Variants in JPH3 observed in about 807,000 individuals in gnomAD.
JPH3 encodes junctophilin 3.
In JPH3, 11 loss-of-function variants were observed where a neutral mutation model predicts 59.6. The observed-to-expected ratio is 0.18, with a 90% CI of 0.12 to 0.31. The LOEUF (loss-of-function observed/expected upper bound fraction) is 0.31, where lower values mean the gene tolerates loss of function less well. Among genes scored for constraint, JPH3 ranks in the 10% least tolerant of loss-of-function variants. The probability of loss-of-function intolerance (pLI) is 1.00; values close to 1 mark genes in which losing one functional copy is unlikely to be tolerated. For missense variants in JPH3, 1,202 were observed against 1,105.7 expected (o/e 1.09, Z -1.24); for synonymous variants, 673 against 483.6 (o/e 1.39, Z -5.14).
chr16:87,654,612 T>G (rs2032432377), intron 2 of JPH3: 2 of 152,200 alleles, frequency 1.3e-5, no homozygotes, highest in Non-Finnish European at 2.9e-5. Flanking sequence ...GGGAATGGGA[T>G]GGGAAGGAGC....
intron 2 of JPH3, among the ~76,000 whole-genome samples, chr16:87,683,456 C>T (rs551623541): frequency 9.9e-5 from 15 of 152,166 alleles, no homozygotes; most frequent in African/African-American, 3.6e-4. Context: ...AGGCACGTGC[C>T]ACAACACCCG....
intron 1 of JPH3, among the ~76,000 whole-genome samples, chr16:87,628,484 C>A (rs1397835432): frequency 6.6e-6 from 1 of 152,214 alleles, no homozygotes; most frequent in African/African-American, 2.4e-5. Context: ...GATGGCCTTG[C>A]CTGCTCTGTT....
intron 2 of JPH3, among the ~76,000 whole-genome samples, chr16:87,646,189 C>G (rs1418177598): frequency 6.6e-6 from 1 of 152,234 alleles, no homozygotes; most frequent in African/African-American, 2.4e-5. Flanking sequence ...CGGCTCAGCC[C>G]TTCCCGACCT....
chr16:87,672,231 A>G (rs1038457261), intron 2 of JPH3, among the ~76,000 whole-genome samples: 2 of 151,762 alleles, frequency 1.3e-5, no homozygotes, highest in African/African-American at 4.8e-5. Flanking sequence ...TCCTGAAGAG[A>G]CTCCGTTTCT....
chr16:87,645,959 C>G (rs544287953), intron 2 of JPH3, among the ~76,000 whole-genome samples: 1 of 152,330 alleles, frequency 6.6e-6, no homozygotes, highest in East Asian at 1.9e-4. Context: ...AAACCCAGAG[C>G]CTTTGCTTTC....
In JPH3 at chr16:87,602,574, C is replaced by T. The variant is rs939569297; in HGVS notation, c.-573C>T. ...CCGCCGCCGCCGCCGCCCGAGCCGC[C>T]GCATTGCTGCTGCTGCTGCCGCCGC... On this transcript the variant is annotated 5_prime_UTR_variant, in exon 1 of 5. Coordinates refer to ENST00000284262, the MANE Select transcript of JPH3 (RefSeq NM_020655.4). Among the ~76,000 whole-genome samples the T allele has an allele frequency of 7.0e-5, 10 of 142,504 alleles. No homozygotes were observed. Among genetic ancestry groups the T allele is most frequent in the African/African-American group, 2.3e-4 (9 of 39,856 alleles). The allele number at this position is 142,504 out of a possible 152,430, so 93.5% of individuals were successfully genotyped here.
At chr16:87,623,124 G>A (rs968957351) in intron 1 of JPH3, among the ~76,000 whole-genome samples, 12 of 152,204 alleles carry the variant, frequency 7.9e-5, no homozygotes, top group African/African-American at 2.2e-4. Context: ...TGCCCACCCC[G>A]GATACTGCCC....
intron 2 of JPH3, among the ~76,000 whole-genome samples, chr16:87,657,560 A>T (rs4309401): frequency 0.69 from 105,349 of 152,090 alleles, 37,079 homozygotes; most frequent in African/African-American, 0.81. Context: ...ATGTTATATT[A>T]AAAAAATCAT....
chr16:87,626,290 C>T (rs755768993), intron 1 of JPH3, among the ~76,000 whole-genome samples: 4 of 152,258 alleles, frequency 2.6e-5, no homozygotes, highest in Middle Eastern at 3.4e-3. Flanking sequence ...TACCCCAGGC[C>T]GCACAGTTAT....
At chr16:87,679,722 C>A (rs1429611428) in intron 2 of JPH3, among the ~76,000 whole-genome samples, 1 of 152,222 alleles carries the variant, frequency 6.6e-6, no homozygotes, top group African/African-American at 2.4e-5. Context: ...GGGCCAGGGC[C>A]CACCAGAGCC....
intron 1 of JPH3, among the ~76,000 whole-genome samples, chr16:87,642,340 C>T (rs542541466): frequency 1.3e-5 from 2 of 152,254 alleles, no homozygotes; most frequent in South Asian, 4.2e-4. Flanking sequence ...AAGTGACTGG[C>T]AGAACAGGAG....
rs759694681 is a variant in JPH3 at position 87,603,538 on chromosome 16, GCGGGCCGGGC to G, written c.382+20_382+29del. 5.8e-6 allele frequency: 9 copies of G among 1,545,336 alleles called. No individual in the cohort carries two copies. The East Asian group carries it at 1.7e-4, about 29-fold the overall frequency. On this transcript the variant is annotated intron_variant, in intron 1 of 4. Transcript: ENST00000284262. The stretch of plus-strand genomic sequence containing the variant: ...ACCTACTCGGACGGAGGTAGGTGCC[GCGGGCCGGGC>G]CGGGCCGGGGCGGGAGGGACGTGCT...
At chr16:87,677,185 T>TATATACACACACACACACACACACACAC (rs1491266129) in intron 2 of JPH3, among the ~76,000 whole-genome samples, 1 of 95,158 alleles carries the variant, frequency 1.1e-5, no homozygotes, top group Non-Finnish European at 2.0e-5. Context: ...TATATATATA[T>TATATACACACACACACACACACACACAC]ACACACACAC....
intron 1 of JPH3, among the ~76,000 whole-genome samples, chr16:87,625,385 C>T (rs2031334351): frequency 6.6e-6 from 1 of 152,172 alleles, no homozygotes; most frequent in African/African-American, 2.4e-5. Context: ...TCCACACCAG[C>T]CCCCAGCAGC....
At chr16:87,696,546 C>T (rs1340841768) in intron 4 of JPH3, 34 bp from the exon 5 acceptor site, 1 of 1,589,016 alleles carries the variant, frequency 6.3e-7, no homozygotes, top group Non-Finnish European at 8.6e-7. Context: ...CCCCCCGCAG[C>T]TGTCGCTCAC....
Position 87,690,028 on chromosome 16 carries a change from C to G in JPH3, c.1668C>G (p.Phe556Leu). The G allele has an allele frequency of 6.5e-7, 1 of 1,540,776 alleles. No individual in the cohort carries two copies. The highest frequency in any genetic ancestry group is 8.8e-7 in the Non-Finnish European group (1 of 1,142,462). The change falls in exon 4 of 5, where the codon TTC (phenylalanine) becomes TTG (leucine). Residue 556 changes from phenylalanine (F) to leucine (L), a missense_variant. Coordinates refer to ENST00000284262, the MANE Select transcript of JPH3 (RefSeq NM_020655.4). Reference sequence around the variant, plus strand: ...GCGGCGGCCTGCTCGTGGATGACTTCCGCACCCGAGGTTCGGGCCGCAAGC... The same window carrying G: ...GCGGCGGCCTGCTCGTGGATGACTTGCGCACCCGAGGTTCGGGCCGCAAGC... Reference protein sequence around the residue: ...ALRGGLLVDDFRTRGSGRKQP... With the variant: ...ALRGGLLVDDLRTRGSGRKQP...
chr16:87,656,283 G>A (rs941870133), intron 2 of JPH3, among the ~76,000 whole-genome samples: 7 of 152,240 alleles, frequency 4.6e-5, no homozygotes, highest in East Asian at 1.9e-4. Context: ...TCCAGAAGCC[G>A]CAGGCAGGAG....
intron 1 of JPH3, among the ~76,000 whole-genome samples, chr16:87,634,888 CT>C (rs1345065960): frequency 6.6e-6 from 1 of 152,254 alleles, no homozygotes; most frequent in Non-Finnish European, 1.5e-5. Flanking sequence ...CCCGCTCTAG[CT>C]GGGTGACACT....
At chr16:87,656,436 A>T (rs867332837) in intron 2 of JPH3, among the ~76,000 whole-genome samples, 3 of 152,156 alleles carry the variant, frequency 2.0e-5, no homozygotes, top group Non-Finnish European at 4.4e-5. Flanking sequence ...TTCCTGTGGG[A>T]ATGGGGAGAT....
Sources: allele counts gnomAD v4.1 joint callset (sites outside exome capture counted in the v4.1 genomes callset), GRCh38; gene constraint gnomAD v4.1.1; transcripts MANE v1.5; gene names NCBI Gene and HGNC (gene_info 2026-07-23, HGNC 2026-07-21).